Variants in CNTNAP2 observed in about 807,000 individuals in gnomAD.
The protein encoded by CNTNAP2 is contactin associated protein 2, also known as contactin-associated protein-like 2.
A neutral mutation model predicts 155.2 loss-of-function variants in CNTNAP2; 98 were observed. The ratio of observed to expected loss-of-function variants is 0.63; its 90% CI spans 0.54 to 0.75. The LOEUF (loss-of-function observed/expected upper bound fraction) is 0.75, where lower values mean the gene tolerates loss of function less well. Ranked by LOEUF, CNTNAP2 falls within the 30% of genes least tolerant of loss-of-function variation. CNTNAP2 has a pLI of 0.00. For missense variants in CNTNAP2, 1,727 were observed against 1,688.1 expected (o/e 1.02, Z -0.40); for synonymous variants, 651 against 631.2 (o/e 1.03, Z -0.47).
At chr7:147,275,170 G>C (rs1275574728) in intron 8 of CNTNAP2, among the ~76,000 whole-genome samples, 1 of 151,852 alleles carries the variant, frequency 6.6e-6, no homozygotes, top group Non-Finnish European at 1.5e-5. Flanking sequence ...ATGAAATTTA[G>C]AATTTTTTTT....
chr7:146,346,715 A>G (rs578045641), intron 1 of CNTNAP2, among the ~76,000 whole-genome samples: 1 of 152,042 alleles, frequency 6.6e-6, no homozygotes, highest in Non-Finnish European at 1.5e-5. Flanking sequence ...CAAAGGAAAA[A>G]AAAAGAAAAA....
At chr7:146,967,020 A>T (rs1384508836) in intron 3 of CNTNAP2, among the ~76,000 whole-genome samples, 1 of 152,174 alleles carries the variant, frequency 6.6e-6, no homozygotes, top group African/African-American at 2.4e-5. Flanking sequence ...ACAGTAGTTG[A>T]TGCTGCTTGG....
At chr7:146,443,090 T>C (rs1398485890) in intron 1 of CNTNAP2, among the ~76,000 whole-genome samples, 1 of 151,518 alleles carries the variant, frequency 6.6e-6, no homozygotes, top group African/African-American at 2.4e-5. Flanking sequence ...GGCGGGCGAC[T>C]GTAGTCCCAG....
chr7:147,474,332 G>A (rs904757033), intron 10 of CNTNAP2, among the ~76,000 whole-genome samples: 5 of 151,704 alleles, frequency 3.3e-5, no homozygotes, highest in South Asian at 4.2e-4. Flanking sequence ...GGTGGCTCAC[G>A]CCTGTAATCC....
chr7:146,665,370 T>C (rs1223684050), intron 1 of CNTNAP2, among the ~76,000 whole-genome samples: 1 of 152,256 alleles, frequency 6.6e-6, no homozygotes, highest in East Asian at 1.9e-4. Context: ...ATTTTCTCTA[T>C]TATTTTAATC....
At chr7:147,587,755 A>C (rs987093776) in intron 12 of CNTNAP2, among the ~76,000 whole-genome samples, 1 of 152,284 alleles carries the variant, frequency 6.6e-6, no homozygotes, top group East Asian at 1.9e-4. Flanking sequence ...TTTACTTGGA[A>C]CCTTATGAGA....
chr7:146,947,557 G>A (rs60033140), intron 3 of CNTNAP2, among the ~76,000 whole-genome samples: 2,848 of 50,360 alleles, frequency 0.057, 79 homozygotes, highest in African/African-American at 0.086. Context: ...GTGTGTGTGT[G>A]TATATATATA....
Position 148,354,683 on chromosome 7 carries a change from C to CT in CNTNAP2, c.3476-28953dup, listed in dbSNP as rs78922300. ...TGGGACAACTTCCCTAAAAGGCTTT[C>CT]TTTTTTTTTTTTTAACCACTTTTCC... On this transcript the variant is annotated intron_variant, in intron 21 of 23. Coordinates refer to ENST00000361727, the MANE Select transcript of CNTNAP2 (RefSeq NM_014141.6). 3.4e-3 allele frequency among the ~76,000 whole-genome samples: 499 copies of CT among 144,960 alleles called. 3 individuals carry two copies. The highest frequency in any genetic ancestry group is 7.2e-3 in the Middle Eastern group (2 of 278).
At chr7:147,859,035 G>C (rs1799092442) in intron 13 of CNTNAP2, among the ~76,000 whole-genome samples, 1 of 152,142 alleles carries the variant, frequency 6.6e-6, no homozygotes, top group African/African-American at 2.4e-5. Context: ...GCGAATATAA[G>C]ATGTAAGTTC....
chr7:147,603,068 T>C (rs1800986813), intron 12 of CNTNAP2, among the ~76,000 whole-genome samples: 1 of 151,834 alleles, frequency 6.6e-6, no homozygotes, highest in South Asian at 2.1e-4. Flanking sequence ...CACACTGACT[T>C]CCACAATGGT....
rs61619996 is a variant in CNTNAP2 at position 146,172,032 on chromosome 7, ATTTTTTTTTTTT to A, written c.97+55072_97+55083del. On this transcript the variant is annotated intron_variant, in intron 1 of 23. Transcript: ENST00000361727. ...CAAATTCTTAAAAAATGCTCTTAGTATTTTTTTTTTTTTTTTTTTTTTTTGCTTATGATTTAA... is the reference window on the plus strand; with the variant it reads ...CAAATTCTTAAAAAATGCTCTTAGTATTTTTTTTTTTTGCTTATGATTTAA... 2.1e-4 allele frequency among the ~76,000 whole-genome samples: 14 copies of A among 67,616 alleles called. 1 individual carries two copies. Among genetic ancestry groups the A allele is most frequent in the Middle Eastern group, 0.015 (1 of 66 alleles). The allele number at this position is 67,616 out of a possible 152,430, so 44.4% of individuals were successfully genotyped here.
chr7:147,325,572 TA>T (rs1795439646), intron 9 of CNTNAP2, among the ~76,000 whole-genome samples: 1 of 152,198 alleles, frequency 6.6e-6, no homozygotes, highest in African/African-American at 2.4e-5. Flanking sequence ...TAACTCCTAT[TA>T]TTGCTGTATA....
intron 1 of CNTNAP2, among the ~76,000 whole-genome samples, chr7:146,389,340 G>A (rs1406898401): frequency 2.6e-5 from 4 of 151,946 alleles, no homozygotes; most frequent in Non-Finnish European, 5.9e-5. Context: ...GAAAACTGAT[G>A]TTCTTAAGTT....
chr7:146,892,260 G>C (rs545872876), intron 3 of CNTNAP2, among the ~76,000 whole-genome samples: 9 of 152,222 alleles, frequency 5.9e-5, no homozygotes, highest in Admixed American at 4.6e-4. Context: ...AGGTTACTGA[G>C]ACTTTGACAG....
intron 1 of CNTNAP2, among the ~76,000 whole-genome samples, chr7:146,537,565 A>G (rs1797888494): frequency 6.6e-6 from 1 of 152,130 alleles, no homozygotes; most frequent in South Asian, 2.1e-4. Flanking sequence ...AGGAGACAAC[A>G]CAAGAAAGGG....
intron 9 of CNTNAP2, among the ~76,000 whole-genome samples, chr7:147,336,479 G>A (rs1321398117): frequency 2.6e-5 from 4 of 152,066 alleles, no homozygotes; most frequent in Admixed American, 6.6e-5. Context: ...AGACACTTGG[G>A]GTTTGGTTTA....
At chr7:146,491,384 A>C (rs1418142831) in intron 1 of CNTNAP2, among the ~76,000 whole-genome samples, 2 of 152,170 alleles carry the variant, frequency 1.3e-5, no homozygotes, top group African/African-American at 2.4e-5. Context: ...ACAAAAAAAA[A>C]ACAACATGAT....
At chr7:147,494,733 A>G (rs1451146288) in intron 11 of CNTNAP2, among the ~76,000 whole-genome samples, 1 of 152,198 alleles carries the variant, frequency 6.6e-6, no homozygotes, top group Admixed American at 6.5e-5. Flanking sequence ...TGATATAGGG[A>G]AAGAGTCTAC....
intron 2 of CNTNAP2, among the ~76,000 whole-genome samples, chr7:146,800,328 T>A (rs886323377): frequency 6.6e-6 from 1 of 152,110 alleles, no homozygotes; most frequent in Non-Finnish European, 1.5e-5. Context: ...CTGCTGTAGA[T>A]GCCTGATGAT....
Sources: allele counts gnomAD v4.1 joint callset (sites outside exome capture counted in the v4.1 genomes callset), GRCh38; gene constraint gnomAD v4.1.1; transcripts MANE v1.5; gene names NCBI Gene and HGNC (gene_info 2026-07-23, HGNC 2026-07-21).